Variants in ASPRV1 observed in about 807,000 individuals in gnomAD.
The protein encoded by ASPRV1 is aspartic peptidase retroviral like 1.
Under a neutral mutation model 11.0 loss-of-function variants are expected in ASPRV1, and 7 were observed. The ratio of observed to expected loss-of-function variants is 0.64; its 90% confidence interval spans 0.36 to 1.20. ASPRV1 has a LOEUF of 1.20. Ranked by LOEUF, ASPRV1 falls within the 50% of genes most tolerant of loss-of-function variation. The pLI is 0.02. For synonymous variants in ASPRV1, 136 were observed against 138.4 expected (o/e 0.98, Z 0.12); for missense variants, 299 against 320.0 (o/e 0.93, Z 0.50).
chr2:70,079,036 T>C, the ASPRV1 span, among the ~76,000 whole-genome samples: 2 of 152,298 alleles, frequency 1.3e-5, no homozygotes, highest in South Asian at 4.1e-4. Flanking sequence ...GGAGACTCTC[T>C]ATATATTCAA....
chr2:70,073,782 G>A, the ASPRV1 span, among the ~76,000 whole-genome samples: 4 of 152,066 alleles, frequency 2.6e-5, no homozygotes, highest in South Asian at 2.1e-4. Context: ...CCTTCTTCAG[G>A]GAGACGGCTC....
chr2:70,080,307 A>C, the ASPRV1 span, among the ~76,000 whole-genome samples: 1 of 151,888 alleles, frequency 6.6e-6, no homozygotes, highest in South Asian at 2.1e-4. Flanking sequence ...GGTCACTGCA[A>C]CCTCCGCCTC....
chr2:69,960,889 T>A lies in ASPRV1; in HGVS notation c.548A>T (p.Lys183Met). The A allele has an allele frequency of 6.2e-7, 1 of 1,614,118 alleles. No homozygotes were observed. Among genetic ancestry groups the A allele is most frequent in the Non-Finnish European group, 8.5e-7 (1 of 1,180,010 alleles). ...GGCCACTAGGAACTGTGCCTTCAGC[T>A]TCAGCTTGCCTAGGGACACCGCTGT... ...WDTAVSLGKL[K>M]LKAQFLVANA... The change falls in exon 1 of 1, where the codon AAG becomes ATG. Residue 183 changes from lysine (K) to methionine (M), a missense_variant. Lys to Met is a moderately conservative substitution (Grantham distance 95). Transcript: ENST00000320256.
At chr2:70,038,764 G>A in the ASPRV1 span, among the ~76,000 whole-genome samples, 1 of 152,144 alleles carries the variant, frequency 6.6e-6, no homozygotes, top group African/African-American at 2.4e-5. Flanking sequence ...GTTTGCAGAG[G>A]AGAGAAAGAT....
the ASPRV1 span, chr2:69,942,325 G>GT: frequency 1.3e-5 from 2 of 152,118 alleles, no homozygotes; most frequent in Admixed American, 6.5e-5. Flanking sequence ...AGATAACTGG[G>GT]TTAGAGGGTG....
the ASPRV1 span, chr2:69,996,793 A>G: frequency 2.2e-6 from 1 of 453,874 alleles, no homozygotes; most frequent in South Asian, 1.6e-5. Context: ...GGGATGTCGG[A>G]CGGTCAGATA....
the ASPRV1 span, chr2:70,015,582 T>G: frequency 1.3e-5 from 2 of 152,176 alleles, no homozygotes; most frequent in Non-Finnish European, 2.9e-5. Flanking sequence ...AAGGGACAAC[T>G]GTAAATACAT....
At chr2:70,086,859 T>G in the ASPRV1 span, 17 of 152,096 alleles carry the variant, frequency 1.1e-4, no homozygotes, top group African/African-American at 3.1e-4. Context: ...CGGCCGTGAG[T>G]GGGTTTCGGT....
chr2:69,941,332 G>A, the ASPRV1 span: 4 of 152,288 alleles, frequency 2.6e-5, no homozygotes, highest in South Asian at 4.1e-4. Context: ...CACCCAGGTC[G>A]TCTGTATTTT....
the ASPRV1 span, chr2:70,056,002 A>C: frequency 6.6e-6 from 1 of 152,246 alleles, no homozygotes; most frequent in Admixed American, 6.5e-5. Flanking sequence ...ATGGATTATT[A>C]TTCAACCTTA....
At chr2:69,962,811 T>A (rs1245996917), upstream of ASPRV1, 1 of 179,908 alleles carries the variant, frequency 5.6e-6, no homozygotes, top group Non-Finnish European at 1.2e-5. Context: ...TGCCTCTTGC[T>A]ATGAACCAGA....
At chr2:69,987,623 G>T in the ASPRV1 span, among the ~76,000 whole-genome samples, 1 of 151,252 alleles carries the variant, frequency 6.6e-6, no homozygotes, top group Non-Finnish European at 1.5e-5. Flanking sequence ...GGCAGCACAT[G>T]CCTGTAGTCC....
At chr2:70,042,232 G>A in the ASPRV1 span, among the ~76,000 whole-genome samples, 1 of 152,140 alleles carries the variant, frequency 6.6e-6, no homozygotes, top group Admixed American at 6.5e-5. Flanking sequence ...GAAATCCAGG[G>A]CAAGAGCTCA....
At chr2:69,934,072 A>C in the ASPRV1 span, among the ~76,000 whole-genome samples, 1 of 152,246 alleles carries the variant, frequency 6.6e-6, no homozygotes, top group Admixed American at 6.5e-5. Context: ...ACACTTATTA[A>C]GCATGTGTGT....
upstream of ASPRV1, among the ~76,000 whole-genome samples, chr2:69,964,932 G>A (rs1678284964): frequency 6.6e-6 from 1 of 152,282 alleles, no homozygotes; most frequent in African/African-American, 2.4e-5. Flanking sequence ...CAGGCCAGTT[G>A]GGCAAATCAA....
chr2:69,936,933 T>C, the ASPRV1 span: 1 of 525,830 alleles, frequency 1.9e-6, no homozygotes. Context: ...GGTTGGGGAC[T>C]GCTGCCTGCA....
At chr2:70,050,099 T>G in the ASPRV1 span, 97 of 151,950 alleles carry the variant, frequency 6.4e-4, no homozygotes, top group African/African-American at 2.3e-3. Flanking sequence ...CTGGCCAACA[T>G]AGTGAAACCA....
At chr2:69,990,798 T>C in the ASPRV1 span, among the ~76,000 whole-genome samples, 32 of 152,074 alleles carry the variant, frequency 2.1e-4, no homozygotes, top group Non-Finnish European at 4.3e-4. Flanking sequence ...AAGGACACTT[T>C]CTCTCCTACT....
chr2:70,012,443 C>T, the ASPRV1 span, among the ~76,000 whole-genome samples: 4 of 152,092 alleles, frequency 2.6e-5, no homozygotes, highest in South Asian at 2.1e-4. Context: ...CGTGAGCCAC[C>T]GCGCCCGGCC....
Sources: gnomAD v4.1 joint callset for allele counts (sites outside exome capture counted in the v4.1 genomes callset) on GRCh38, gnomAD v4.1.1 for gene constraint, MANE v1.5 for transcripts, NCBI Gene and HGNC (gene_info 2026-07-23, HGNC 2026-07-21) for gene names.